MEGF11: variants seen among roughly 807,000 people sequenced by gnomAD.
MEGF11 encodes the protein multiple EGF like domains 11, also known as multiple epidermal growth factor-like domains protein 11.
MEGF11 carries 126 observed loss-of-function variants against 146.6 expected under a neutral mutation model. The ratio of observed to expected loss-of-function variants is 0.86; its 90% CI spans 0.74 to 1.00. The LOEUF is 1.00. Among genes scored for constraint, MEGF11 ranks in the 50% least tolerant of loss-of-function variants. The pLI, the probability that MEGF11 is intolerant of heterozygous loss-of-function variation, is 0.00. For missense variants in MEGF11, 1,509 were observed against 1,521.2 expected (o/e 0.99, Z 0.13); for synonymous variants, 532 against 583.4 (o/e 0.91, Z 1.27).
At chr15:65,976,497 A>G (rs543180488) in intron 7 of MEGF11, among the ~76,000 whole-genome samples, 2 of 152,368 alleles carry the variant, frequency 1.3e-5, no homozygotes, top group South Asian at 2.1e-4. Context: ...AGACTAAGAC[A>G]GACCCAGAAA....
chr15:66,043,189 A>G (rs1597022421), intron 5 of MEGF11, among the ~76,000 whole-genome samples: 1 of 152,378 alleles, frequency 6.6e-6, no homozygotes, highest in Admixed American at 6.5e-5. Context: ...CTCTGACTCC[A>G]GCAGGTGCAA....
intron 1 of MEGF11, among the ~76,000 whole-genome samples, chr15:66,136,227 A>C (rs1031707302): frequency 2.0e-5 from 3 of 152,256 alleles, no homozygotes; most frequent in Non-Finnish European, 2.9e-5. Context: ...TGCAAACTGC[A>C]GCCCAGTGGT....
chr15:66,142,994 A>C (rs927283742), intron 1 of MEGF11, among the ~76,000 whole-genome samples: 4 of 152,224 alleles, frequency 2.6e-5, no homozygotes, highest in African/African-American at 9.6e-5. Context: ...TGAAAGCCAA[A>C]TCAGGATCCT....
chr15:66,238,694 T>A (rs2092147089), intron 1 of MEGF11, among the ~76,000 whole-genome samples: 1 of 152,170 alleles, frequency 6.6e-6, no homozygotes, highest in Non-Finnish European at 1.5e-5. Context: ...CAAGGGTGTC[T>A]CCCCTAGATA....
At chr15:66,018,872 T>C (rs147016041) in intron 5 of MEGF11, among the ~76,000 whole-genome samples, 1 of 152,170 alleles carries the variant, frequency 6.6e-6, no homozygotes, top group East Asian at 1.9e-4. Context: ...ATGAGATGTG[T>C]AGAGCAGGAG....
At chr15:65,981,963 G>A (rs1228477779) in intron 6 of MEGF11, among the ~76,000 whole-genome samples, 2 of 152,182 alleles carry the variant, frequency 1.3e-5, no homozygotes, top group African/African-American at 4.8e-5. Flanking sequence ...TCTCAGGAAG[G>A]ACCAGTCAAC....
intron 5 of MEGF11, among the ~76,000 whole-genome samples, chr15:65,991,447 C>T (rs996244322): frequency 7.2e-5 from 11 of 152,216 alleles, no homozygotes; most frequent in African/African-American, 2.7e-4. Context: ...ATCAGGGCTT[C>T]TCAACCTCAG....
At chr15:66,071,442 G>T (rs2085361536) in intron 5 of MEGF11, among the ~76,000 whole-genome samples, 1 of 152,248 alleles carries the variant, frequency 6.6e-6, no homozygotes, top group African/African-American at 2.4e-5. Context: ...GTCAAGAGAA[G>T]TTTAGAGCTG....
At chr15:66,221,440 C>G (rs904023462) in intron 1 of MEGF11, among the ~76,000 whole-genome samples, 1 of 152,014 alleles carries the variant, frequency 6.6e-6, no homozygotes, top group African/African-American at 2.4e-5. Context: ...CCTCCATTGC[C>G]TTTGGTATCT....
At chr15:66,211,585 T>C (rs552393550) in intron 1 of MEGF11, among the ~76,000 whole-genome samples, 1 of 150,786 alleles carries the variant, frequency 6.6e-6, no homozygotes, top group South Asian at 2.1e-4. Context: ...GCCGAGGGTC[T>C]CTCAGCCAGT....
At position 66,178,720 on chromosome 15, in the gene MEGF11, G is replaced by T. The variant is rs375414111; in HGVS notation, c.-8-50309C>A. On this transcript the variant is annotated intron_variant, in intron 1 of 25. Coordinates refer to ENST00000395614, the MANE Select transcript of MEGF11 (RefSeq NM_001385028.1). ...CCCAGGTATTCAGCTTGCCTCACCCGGGTCCTGGGTCCCAGCCCTTCAGAG... is the reference window on the plus strand; with the variant it reads ...CCCAGGTATTCAGCTTGCCTCACCCTGGTCCTGGGTCCCAGCCCTTCAGAG... Among the ~76,000 whole-genome samples, 42 of 152,232 alleles carry T rather than the reference G, an allele frequency of 2.8e-4. 1 individual carries two copies. In the East Asian group the frequency reaches 3.3e-3, roughly 12 times the overall value.
chr15:66,113,045 CA>C (rs941945134), intron 4 of MEGF11, among the ~76,000 whole-genome samples: 45 of 152,268 alleles, frequency 3.0e-4, no homozygotes, highest in African/African-American at 1.0e-3. Context: ...AACAGGAGTA[CA>C]TAATTTGGCA....
intron 5 of MEGF11, among the ~76,000 whole-genome samples, chr15:66,079,214 G>T (rs544406039): frequency 2.0e-5 from 3 of 152,262 alleles, no homozygotes; most frequent in Admixed American, 6.5e-5. Context: ...AATTTTCTTG[G>T]GGGGACAGAT....
At chr15:65,952,549 T>C (rs2080445920) in intron 10 of MEGF11, among the ~76,000 whole-genome samples, 1 of 152,162 alleles carries the variant, frequency 6.6e-6, no homozygotes, top group Admixed American at 6.5e-5. Context: ...CCTTCTCCCA[T>C]CCCTGTTCAC....
At chr15:66,009,420 C>G (rs2082633209) in intron 5 of MEGF11, among the ~76,000 whole-genome samples, 1 of 151,766 alleles carries the variant, frequency 6.6e-6, no homozygotes, top group African/African-American at 2.4e-5. Flanking sequence ...GGCTGGGAGG[C>G]TCTGTTAGGC....
intron 1 of MEGF11, among the ~76,000 whole-genome samples, chr15:66,214,825 C>A (rs923234989): frequency 4.6e-5 from 7 of 152,034 alleles, no homozygotes; most frequent in Non-Finnish European, 8.8e-5. Context: ...ACTAACACTG[C>A]ACTCAAGGCC....
chr15:65,932,620 GA>G (rs1477037234), intron 10 of MEGF11, among the ~76,000 whole-genome samples: 5 of 152,090 alleles, frequency 3.3e-5, no homozygotes, highest in Non-Finnish European at 7.4e-5. Context: ...AGGGGTGGCT[GA>G]AGGGAGGAGT....
At chr15:66,060,589 C>T (rs2084861124) in intron 5 of MEGF11, among the ~76,000 whole-genome samples, 1 of 152,194 alleles carries the variant, frequency 6.6e-6, no homozygotes, top group Admixed American at 6.5e-5. Context: ...TGAAGTGTAC[C>T]CTCCAGGCAA....
intron 1 of MEGF11, among the ~76,000 whole-genome samples, chr15:66,223,213 C>G (rs927136686): frequency 6.6e-6 from 1 of 151,986 alleles, no homozygotes; most frequent in Non-Finnish European, 1.5e-5. Flanking sequence ...ACCTTGAAAA[C>G]ATGCTAAGTG....
Sources: allele counts gnomAD v4.1 joint callset (sites outside exome capture counted in the v4.1 genomes callset), GRCh38; gene constraint gnomAD v4.1.1; transcripts MANE v1.5; gene names NCBI Gene and HGNC (gene_info 2026-07-23, HGNC 2026-07-21).